The following DBI variants were observed in gnomAD, a reference collection of about 807,000 sequenced individuals.
The protein encoded by DBI is acyl-CoA-binding protein.
DBI carries 12 observed loss-of-function variants against 13.0 expected under a neutral mutation model. The observed-to-expected ratio is 0.92, with a 90% CI of 0.59 to 1.49. The LOEUF (loss-of-function observed/expected upper bound fraction) is 1.49. Ranked by LOEUF, DBI falls within the 40% of genes most tolerant of loss-of-function variation. The probability of loss-of-function intolerance (pLI) is 0.00; values close to 1 mark genes in which losing one functional copy is unlikely to be tolerated. For synonymous variants in DBI, 37 were observed against 37.4 expected (o/e 0.99, Z 0.04); for missense variants, 95 against 104.8 (o/e 0.91, Z 0.41).
At chr2:119,370,604 A>G (rs573555843) in intron 2 of DBI, 136 bp from the exon 3 acceptor site, 1 of 723,962 alleles carries the variant, frequency 1.4e-6, no homozygotes, top group Non-Finnish European at 2.3e-6. Flanking sequence ...AACCCACTCT[A>G]CTAGACCTAT....
intron 1 of DBI, 39 bp from the exon 2 acceptor site, chr2:119,368,138 CTCTCCCACCCA>C: frequency 6.4e-7 from 1 of 1,552,892 alleles, no homozygotes; most frequent in South Asian, 1.1e-5. Flanking sequence ...GATTCTTACC[CTCTCCCACCCA>C]GAGGAGGCCC....
chr2:119,368,252 T>G lies in DBI; in HGVS notation c.74T>G (p.Met25Arg). Reference protein sequence around the residue: ...HLKTKPSDEEMLFIYGHYKQA... With the variant: ...HLKTKPSDEERLFIYGHYKQA... Reference sequence around the variant, plus strand: ...AAGACCAAGCCATCGGATGAGGAGATGCTGTTCATCTATGGCCACTACAAA... The same window carrying G: ...AAGACCAAGCCATCGGATGAGGAGAGGCTGTTCATCTATGGCCACTACAAA... The change falls in exon 2 of 4, where the codon ATG (methionine) becomes AGG (arginine). Residue 25 changes from methionine (M) to arginine (R), a missense_variant. Met to Arg is a moderately conservative substitution (Grantham distance 91). Coordinates refer to ENST00000355857, the MANE Select transcript of DBI (RefSeq NM_001079862.4). 1.9e-6 allele frequency: 3 copies of G among 1,614,116 alleles called. No individual in the cohort carries two copies. Among genetic ancestry groups the G allele is most frequent in the Non-Finnish European group, 1.7e-6 (2 of 1,180,016 alleles).
chr2:119,367,557 A>G (rs974665150), intron 1 of DBI: 1 of 1,613,884 alleles, frequency 6.2e-7, no homozygotes, highest in African/African-American at 1.3e-5. Context: ...CCTTCTCTCC[A>G]GTGTAGACCC....
intron 3 of DBI, among the ~76,000 whole-genome samples, chr2:119,371,198 G>T (rs1681493663): frequency 6.6e-6 from 1 of 152,142 alleles, no homozygotes; most frequent in South Asian, 2.1e-4. Context: ...TTCCTTCCTA[G>T]CCAGAAGGAT....
Position 119,368,271 on chromosome 2 carries a change from CT to C in DBI, c.94del (p.Tyr32ThrfsTer9), listed in dbSNP as rs1179124688. ...DEEMLFIYGH[Y>X]KQATVGDINT... ...AGGAGATGCTGTTCATCTATGGCCACTACAAACAAGCAACTGTGGGCGACAT... is the reference window on the plus strand; with the variant it reads ...AGGAGATGCTGTTCATCTATGGCCACACAAACAAGCAACTGTGGGCGACAT... On this transcript the variant is annotated frameshift_variant, in exon 2 of 4. Coordinates refer to ENST00000355857, the MANE Select transcript of DBI (RefSeq NM_001079862.4). LOFTEE classifies it high-confidence loss of function. 6.2e-7 allele frequency: 1 copy of C among 1,614,108 alleles called. No homozygotes were observed. Among genetic ancestry groups the C allele is most frequent in the Non-Finnish European group, 8.5e-7 (1 of 1,179,974 alleles).
chr2:119,367,086 C>T (rs1285273774), intron 1 of DBI, 26 bp downstream of exon 1: 1 of 1,613,560 alleles, frequency 6.2e-7, no homozygotes, highest in Admixed American at 1.7e-5. Context: ...AGCCAGGCTG[C>T]GAAGGTGCAG....
At chr2:119,367,510 A>G (rs763868317) in intron 1 of DBI, 2 of 1,601,422 alleles carry the variant, frequency 1.2e-6, no homozygotes, top group Admixed American at 3.4e-5. Context: ...GGACGAGGAG[A>G]ATCGCGGCCC....
At chr2:119,369,102 C>T (rs1467462218) in intron 2 of DBI, among the ~76,000 whole-genome samples, 5 of 152,162 alleles carry the variant, frequency 3.3e-5, no homozygotes, top group Non-Finnish European at 7.3e-5. Flanking sequence ...CCCAGAATGA[C>T]AGATCACAGG....
rs553919575 is a variant in DBI at position 119,368,382 on chromosome 2, C to A, written c.127+77C>A. 13 of 1,092,494 alleles carry A rather than the reference C, an allele frequency of 1.2e-5. No individual in the cohort carries two copies. In the East Asian group the frequency reaches 2.4e-4, roughly 20 times the overall value. 67.7% of individuals were successfully genotyped at this position (1,092,494 alleles called of 1,614,324 possible). Reference sequence around the variant, plus strand: ...AGCTCAGACTGGAAGTCCCTGGGAACTTCACTCTCAAACTGCCTGAGGCCC... The same window carrying A: ...AGCTCAGACTGGAAGTCCCTGGGAAATTCACTCTCAAACTGCCTGAGGCCC... On this transcript the variant is annotated intron_variant, in intron 2 of 3. Coordinates refer to ENST00000355857, the MANE Select transcript of DBI (RefSeq NM_001079862.4).
chr2:119,370,685 A>G (rs1681446654), intron 2 of DBI, 55 bp from the exon 3 acceptor site: 3 of 1,523,682 alleles, frequency 2.0e-6, no homozygotes, highest in Non-Finnish European at 2.7e-6. Context: ...AAGGTTGATC[A>G]AGTTCTCCAT....
In DBI at chr2:119,368,355, G is replaced by A; in HGVS notation, c.127+50G>A. 3.5e-6 allele frequency: 5 copies of A among 1,417,976 alleles called. No individual in the cohort carries two copies. The South Asian group carries it at 5.7e-5, about 16-fold the overall frequency. The allele number at this position is 1,417,976 out of a possible 1,614,324, so 87.8% of individuals were successfully genotyped here. A position where few individuals can be genotyped will look rare whatever the true frequency, so the allele number is the denominator to read the frequency against. On this transcript the variant is annotated intron_variant, in intron 2 of 3. Transcript: ENST00000355857. ...GCATCTGCTCATCAAAGCAGGCTCA[G>A]CAGCTCAGACTGGAAGTCCCTGGGA...
chr2:119,372,436 A>G lies in DBI; in HGVS notation c.*118A>G. 1.3e-6 allele frequency: 1 copy of G among 741,848 alleles called. No individual in the cohort carries two copies. The highest frequency in any genetic ancestry group is 2.3e-6 in the Non-Finnish European group (1 of 427,338). 46.0% of individuals were successfully genotyped at this position (741,848 alleles called of 1,614,324 possible). ...AAATAACCAGTTAAACCAGCTACTC[A>G]AGGCTGCTCACCATACGGCTCTAAC... On this transcript the variant is annotated 3_prime_UTR_variant, in exon 4 of 4. Coordinates refer to ENST00000355857, the MANE Select transcript of DBI (RefSeq NM_001079862.4).
At chr2:119,367,660 G>A in intron 1 of DBI, 2 of 1,613,818 alleles carry the variant, frequency 1.2e-6, no homozygotes, top group Non-Finnish European at 1.7e-6. Flanking sequence ...TGTTGAACGC[G>A]CGGGCCCCAG....
chr2:119,368,973 G>A (rs999780193), intron 2 of DBI: 1 of 152,352 alleles, frequency 6.6e-6, no homozygotes, highest in African/African-American at 2.4e-5. Flanking sequence ...GCACAGAAGG[G>A]AGGTCTCCCC....
chr2:119,367,873 G>A (rs907704279), intron 1 of DBI: 8 of 1,614,038 alleles, frequency 5.0e-6, no homozygotes, highest in Admixed American at 1.7e-5. Flanking sequence ...CCCCCACTGG[G>A]GGCGAAGGCT....
chr2:119,368,413 T>C (rs879880113), intron 2 of DBI, 108 bp downstream of exon 2: 14 of 793,218 alleles, frequency 1.8e-5, no homozygotes, highest in Non-Finnish European at 2.9e-5. Flanking sequence ...GGCCCTACTC[T>C]TCAGGTGGGG....
intron 3 of DBI, 140 bp downstream of exon 3, chr2:119,370,942 A>G: frequency 2.9e-6 from 2 of 700,982 alleles, no homozygotes; most frequent in South Asian, 2.1e-5. Context: ...CCAGAATGGG[A>G]AAAAACCGGG....
chr2:119,367,662 G>C lies in DBI; in HGVS notation c.10-526G>C, dbSNP rs375116992. The C allele has an allele frequency of 5.0e-6, 8 of 1,613,600 alleles. No individual in the cohort carries two copies. The Admixed American group carries it at 5.0e-5, about 10-fold the overall frequency. ...GGACAGAGGTCGGTGTTGAACGCGC[G>C]GGCCCCAGGGGGAGGGAGGGGACCA... On this transcript the variant is annotated intron_variant, in intron 1 of 3. Coordinates refer to ENST00000355857, the MANE Select transcript of DBI (RefSeq NM_001079862.4).
At chr2:119,367,093 GCAGCGGGCGGGAGGCCCGTTGGGGGCT>G (rs1161554858) in intron 1 of DBI, 33 bp downstream of exon 1, 1 of 1,612,992 alleles carries the variant, frequency 6.2e-7, no homozygotes, top group East Asian at 2.2e-5. Context: ...CTGCGAAGGT[GCAGCGGGCGGGAGGCCCGTTGGGGGCT>G]CAGCCGGCTG....
Sources: allele counts gnomAD v4.1 joint callset (sites outside exome capture counted in the v4.1 genomes callset), GRCh38; gene constraint gnomAD v4.1.1; transcripts MANE v1.5; gene names NCBI Gene and HGNC (gene_info 2026-07-23, HGNC 2026-07-21).